The following ANO3 variants were observed in gnomAD, a reference collection of about 807,000 sequenced individuals.
The protein encoded by ANO3 is anoctamin 3.
Under a neutral mutation model 144.8 loss-of-function variants are expected in ANO3, and 99 were observed. That is an observed-to-expected ratio of 0.68 (90% CI 0.58 to 0.81). ANO3 has a LOEUF of 0.81. ANO3 is among the 30% of genes least tolerant of loss of function. ANO3 has a pLI of 0.00. For synonymous variants in ANO3, 414 were observed against 392.6 expected (o/e 1.05, Z -0.64); for missense variants, 905 against 1,202.2 (o/e 0.75, Z 3.66).
intron 3 of ANO3, among the ~76,000 whole-genome samples, chr11:26,454,065 A>C (rs373410515): frequency 3.3e-5 from 5 of 152,076 alleles, no homozygotes; most frequent in African/African-American, 1.2e-4. Context: ...TCTCTGGGAC[A>C]CATTCAAAGC....
intron 1 of ANO3, chr11:26,427,090 CT>C: frequency 5.5e-6 from 1 of 181,764 alleles, no homozygotes; most frequent in Non-Finnish European, 1.2e-5. Context: ...TCTCTGGAAC[CT>C]TCCCTGCTTC....
In ANO3 at chr11:26,195,806, G is replaced by A. The variant is rs117492073; in HGVS notation, c.154+6476G>A. Among the ~76,000 whole-genome samples the A allele has an allele frequency of 4.5e-4, 68 of 152,232 alleles. No individual in the cohort carries two copies. The East Asian group carries it at 8.3e-3, about 19-fold the overall frequency. On this transcript the variant is annotated intron_variant, in intron 1 of 27. Coordinates refer to the ANO3 transcript ENST00000672621. ...ATAGAACAACTACGAATGTAGCTCAGACACAGGAGATTTTAGAACTTGTGC... is the reference window on the plus strand; with the variant it reads ...ATAGAACAACTACGAATGTAGCTCAAACACAGGAGATTTTAGAACTTGTGC...
intron 1 of ANO3, among the ~76,000 whole-genome samples, chr11:26,295,950 T>C (rs1055509330): frequency 5.9e-5 from 9 of 152,232 alleles, no homozygotes; most frequent in Non-Finnish European, 1.3e-4. Context: ...TTCATAAACC[T>C]GAAAATTCTC....
At chr11:26,417,877 T>C (rs2133993899) in intron 1 of ANO3, among the ~76,000 whole-genome samples, 1 of 152,206 alleles carries the variant, frequency 6.6e-6, no homozygotes, top group South Asian at 2.1e-4. Context: ...GACAACATTA[T>C]ATTCTACCTT....
At chr11:26,544,010 T>G (rs1479585131) in intron 11 of ANO3, among the ~76,000 whole-genome samples, 2 of 151,612 alleles carry the variant, frequency 1.3e-5, no homozygotes, top group Admixed American at 1.3e-4. Context: ...ATGATCAGAT[T>G]TTATTTTATG....
At chr11:26,437,760 C>T (rs1159329722) in intron 1 of ANO3, among the ~76,000 whole-genome samples, 10 of 152,196 alleles carry the variant, frequency 6.6e-5, no homozygotes. Context: ...CAGTGTTTAG[C>T]TCCCACTTAT....
At chr11:26,644,875 G>T (rs562881102) in intron 23 of ANO3, among the ~76,000 whole-genome samples, 1 of 150,946 alleles carries the variant, frequency 6.6e-6, no homozygotes, top group East Asian at 2.0e-4. Context: ...CTATAACTGT[G>T]TGTATAAATA....
chr11:26,232,947 G>A (rs1422781217), intron 1 of ANO3, among the ~76,000 whole-genome samples: 1 of 152,168 alleles, frequency 6.6e-6, no homozygotes, highest in Non-Finnish European at 1.5e-5. Flanking sequence ...GCCGGGCACA[G>A]TGGCTCAAGC....
rs142405725 is a variant in ANO3, at chr11:26,355,849, C to T, written c.46+23528C>T. 8.1e-3 allele frequency among the ~76,000 whole-genome samples: 1,232 copies of T among 152,232 alleles called. 12 individuals carry two copies. The highest frequency in any genetic ancestry group is 0.028 in the African/African-American group (1,159 of 41,536). On this transcript the variant is annotated intron_variant, in intron 1 of 26. Coordinates refer to ENST00000256737, the MANE Select transcript of ANO3 (RefSeq NM_031418.4). ...TGCTGGGATTACAGGCGTGAGCCACCGTGCCAAGCCCCCGCCGAAAATTCA... is the reference window on the plus strand; with the variant it reads ...TGCTGGGATTACAGGCGTGAGCCACTGTGCCAAGCCCCCGCCGAAAATTCA...
intron 4 of ANO3, among the ~76,000 whole-genome samples, chr11:26,485,652 C>T (rs981710431): frequency 1.3e-5 from 2 of 152,134 alleles, no homozygotes; most frequent in Admixed American, 1.3e-4. Flanking sequence ...CTTTGTATGA[C>T]TTCCTTTTGA....
intron 1 of ANO3, among the ~76,000 whole-genome samples, chr11:26,302,916 A>C (rs1378690917): frequency 6.6e-6 from 1 of 152,220 alleles, no homozygotes; most frequent in African/African-American, 2.4e-5. Flanking sequence ...CATTTTTTAA[A>C]AGTAGCCAAC....
intron 8 of ANO3, among the ~76,000 whole-genome samples, chr11:26,533,427 C>A (rs1849423658): frequency 6.6e-6 from 1 of 152,006 alleles, no homozygotes; most frequent in Non-Finnish European, 1.5e-5. Flanking sequence ...TACAAATTGA[C>A]AGATGATTGG....
At chr11:26,319,914 G>T (rs569065566) in intron 1 of ANO3, among the ~76,000 whole-genome samples, 87 of 151,690 alleles carry the variant, frequency 5.7e-4, no homozygotes, top group Non-Finnish European at 9.9e-4. Flanking sequence ...TGTAGAAGAA[G>T]GTCTTTATTT....
intron 1 of ANO3, among the ~76,000 whole-genome samples, chr11:26,213,676 C>G (rs1018999740): frequency 1.3e-5 from 2 of 152,006 alleles, no homozygotes; most frequent in African/African-American, 4.8e-5. Context: ...TAGGAAGAAC[C>G]AATATCATGA....
intron 1 of ANO3, among the ~76,000 whole-genome samples, chr11:26,190,980 T>C (rs1851464401): frequency 6.6e-6 from 1 of 152,204 alleles, no homozygotes; most frequent in Admixed American, 6.5e-5. Flanking sequence ...TTGGTTAATA[T>C]CTATCTTCTC....
intron 1 of ANO3, among the ~76,000 whole-genome samples, chr11:26,426,546 C>A (rs1208186264): frequency 6.6e-6 from 1 of 152,042 alleles, no homozygotes; most frequent in Non-Finnish European, 1.5e-5. Context: ...AAAGGTAATT[C>A]TTGAAAAATA....
chr11:26,562,937 G>A (rs993140341), intron 14 of ANO3: 85 of 822,130 alleles, frequency 1.0e-4, no homozygotes, highest in Middle Eastern at 3.9e-4. Flanking sequence ...TTCAGTCACA[G>A]GTCTATAATT....
intron 1 of ANO3, among the ~76,000 whole-genome samples, chr11:26,314,277 T>C (rs1486079021): frequency 6.6e-6 from 1 of 152,236 alleles, no homozygotes; most frequent in Admixed American, 6.5e-5. Context: ...ATCTTAGTTA[T>C]GCATTTTCCA....
At chr11:26,389,273 G>C (rs1448085851) in intron 1 of ANO3, among the ~76,000 whole-genome samples, 2 of 152,048 alleles carry the variant, frequency 1.3e-5, no homozygotes, top group Non-Finnish European at 2.9e-5. Flanking sequence ...GGGGTCAAAT[G>C]CCAGCTCCAC....
Sources: gnomAD v4.1 joint callset for allele counts (sites outside exome capture counted in the v4.1 genomes callset) on GRCh38, gnomAD v4.1.1 for gene constraint, MANE v1.5 for transcripts, NCBI Gene and HGNC (gene_info 2026-07-23, HGNC 2026-07-21) for gene names.